The following TENM2 variants were observed in gnomAD, a reference collection of about 807,000 sequenced individuals.
TENM2 encodes teneurin-2.
Under a neutral mutation model 245.2 loss-of-function variants are expected in TENM2, and 52 were observed. The ratio of observed to expected loss-of-function variants is 0.21; its 90% confidence interval spans 0.17 to 0.27. TENM2 has a LOEUF of 0.27. Ranked by LOEUF, TENM2 falls within the 10% of genes least tolerant of loss-of-function variation. The pLI is 1.00. For synonymous variants in TENM2, 1,363 were observed against 1,438.9 expected, an observed-to-expected ratio of 0.95 and a Z score of 1.19; for missense variants, 3,046 against 3,666.8, an observed-to-expected ratio of 0.83 and a Z score of 4.37.
At chr5:168,163,631 A>G (rs1757945342) in intron 13 of TENM2, among the ~76,000 whole-genome samples, 1 of 152,182 alleles carries the variant, frequency 6.6e-6, no homozygotes, top group Non-Finnish European at 1.5e-5. Flanking sequence ...CTTGTTTTCA[A>G]GGTCCAATAA....
chr5:167,528,934 T>C (rs1304607408), intron 2 of TENM2, among the ~76,000 whole-genome samples: 1 of 152,160 alleles, frequency 6.6e-6, no homozygotes, highest in Admixed American at 6.6e-5. Context: ...TCCCACGTGA[T>C]TTTTCTTTCA....
At position 167,705,995 on chromosome 5, in the gene TENM2, ATT is replaced by A. The variant is rs1561690725; in HGVS notation, c.503-169989_503-169988del. ...TATATATATATATATATATATATTT[ATT>A]TATTTATTTATTTACTTATTTATAT... is the stretch of plus-strand genomic sequence containing the variant. On this transcript the variant is annotated intron_variant, in intron 2 of 28. Transcript: ENST00000518659. Among the ~76,000 whole-genome samples, 19 of 125,184 alleles carry A rather than the reference ATT, an allele frequency of 1.5e-4. No homozygotes were observed. In the East Asian group the frequency reaches 2.5e-3, roughly 16 times the overall value. 82.1% of individuals were successfully genotyped at this position (125,184 alleles called of 152,430 possible).
chr5:167,227,688 C>A, the TENM2 span, among the ~76,000 whole-genome samples: 31 of 152,232 alleles, frequency 2.0e-4, no homozygotes, highest in African/African-American at 6.7e-4. Flanking sequence ...TTTTAGATTT[C>A]TCTTTGTCTT....
chr5:167,767,643 G>A (rs892589000), intron 2 of TENM2, among the ~76,000 whole-genome samples: 2 of 152,194 alleles, frequency 1.3e-5, no homozygotes, highest in Non-Finnish European at 1.5e-5. Context: ...AAGAGAAGAG[G>A]CTACTGCTGT....
intron 2 of TENM2, among the ~76,000 whole-genome samples, chr5:167,540,253 CA>C (rs1416461061): frequency 6.6e-6 from 1 of 152,134 alleles, no homozygotes; most frequent in Non-Finnish European, 1.5e-5. Flanking sequence ...GAAACTATCA[CA>C]AATTTAGAGA....
the TENM2 span, among the ~76,000 whole-genome samples, chr5:167,219,388 A>T: frequency 2.0e-5 from 3 of 152,216 alleles, no homozygotes; most frequent in African/African-American, 7.2e-5. Flanking sequence ...ATGTTAACAG[A>T]TACTACAAAT....
In TENM2 at chr5:167,482,933, A is replaced by G. The variant is rs567076926; in HGVS notation, c.502+107460A>G. ...CAAACTGAGGAATATCCATTTCTTC[A>G]GAAAAACCTGTGACTTTGAGAAGAA... On this transcript the variant is annotated intron_variant, in intron 2 of 28. Coordinates refer to ENST00000518659, the Ensembl canonical transcript of TENM2. Among the ~76,000 whole-genome samples the G allele has an allele frequency of 2.0e-5, 3 of 152,372 alleles. 1 individual carries two copies. Among genetic ancestry groups the G allele is most frequent in the East Asian group, 3.9e-4 (2 of 5,184 alleles).
chr5:167,256,740 A>G, the TENM2 span, among the ~76,000 whole-genome samples: 1 of 152,140 alleles, frequency 6.6e-6, no homozygotes, highest in African/African-American at 2.4e-5. Context: ...AGGATAATAT[A>G]TTTGGATTGA....
In TENM2 at chr5:167,722,254, A is replaced by G. The variant is rs1424804221; in HGVS notation, c.503-153732A>G. Reference sequence around the variant, plus strand: ...GTGGCTCGCTGCATGATTAGCCGTTAATATTTGGTTTTGAACTCCATCAGA... The same window carrying G: ...GTGGCTCGCTGCATGATTAGCCGTTGATATTTGGTTTTGAACTCCATCAGA... On this transcript the variant is annotated intron_variant, in intron 2 of 28. Transcript: ENST00000518659. 2.0e-5 allele frequency among the ~76,000 whole-genome samples: 3 copies of G among 152,218 alleles called. No homozygotes were observed. The East Asian group carries it at 5.8e-4, about 29-fold the overall frequency.
At chr5:167,179,997 C>A in the TENM2 span, among the ~76,000 whole-genome samples, 1 of 152,116 alleles carries the variant, frequency 6.6e-6, no homozygotes, top group Non-Finnish European at 1.5e-5. Context: ...GGAGAAGGAG[C>A]CAACTTGGGC....
At chr5:167,221,425 A>G in the TENM2 span, among the ~76,000 whole-genome samples, 1 of 152,196 alleles carries the variant, frequency 6.6e-6, no homozygotes, top group African/African-American at 2.4e-5. Context: ...AGCCAATACA[A>G]TACTCATGTG....
At chr5:168,207,795 T>C (rs987937689) in intron 19 of TENM2, among the ~76,000 whole-genome samples, 4 of 152,196 alleles carry the variant, frequency 2.6e-5, no homozygotes, top group Non-Finnish European at 5.9e-5. Context: ...TTGAAATGTT[T>C]CCATGGTTCT....
chr5:167,893,581 A>G (rs1202081435), intron 3 of TENM2, among the ~76,000 whole-genome samples: 1 of 143,100 alleles, frequency 7.0e-6, no homozygotes, highest in Non-Finnish European at 1.5e-5. Context: ...ATTTTCTTGT[A>G]TTTTCTTTTT....
intron 2 of TENM2, among the ~76,000 whole-genome samples, chr5:167,644,579 A>C (rs1234488300): frequency 6.6e-6 from 1 of 152,192 alleles, no homozygotes; most frequent in African/African-American, 2.4e-5. Context: ...AGACATTACG[A>C]GGCTGGAATA....
chr5:167,374,744 G>A (rs1253964430), intron 1 of TENM2, among the ~76,000 whole-genome samples: 3 of 151,934 alleles, frequency 2.0e-5, no homozygotes, highest in African/African-American at 7.3e-5. Flanking sequence ...TTGGATAAGT[G>A]CCTTAAATCC....
chr5:167,665,704 C>CA (rs1162262084), intron 2 of TENM2, among the ~76,000 whole-genome samples: 5 of 151,752 alleles, frequency 3.3e-5, no homozygotes, highest in Non-Finnish European at 7.4e-5. Flanking sequence ...TTATTTTTGC[C>CA]AAAAAACAAA....
At chr5:167,908,823 G>T (rs1212955100) in intron 3 of TENM2, among the ~76,000 whole-genome samples, 1 of 151,590 alleles carries the variant, frequency 6.6e-6, no homozygotes, top group African/African-American at 2.4e-5. Context: ...TGTATTGCTT[G>T]TGTAAAGAGG....
chr5:167,191,688 C>T, the TENM2 span, among the ~76,000 whole-genome samples: 10 of 152,050 alleles, frequency 6.6e-5, no homozygotes, highest in Middle Eastern at 3.4e-3. Context: ...GATACCACTG[C>T]ATGAGACTAT....
the TENM2 span, among the ~76,000 whole-genome samples, chr5:167,112,469 T>A: frequency 6.6e-6 from 1 of 152,230 alleles, no homozygotes. Context: ...GTAGGCTAGA[T>A]ACAGTCACCT....
Sources: allele counts gnomAD v4.1 joint callset (sites outside exome capture counted in the v4.1 genomes callset), GRCh38; gene constraint gnomAD v4.1.1; transcripts MANE v1.5; gene names NCBI Gene and HGNC (gene_info 2026-07-23, HGNC 2026-07-21).